ABCC4: variants seen among roughly 807,000 people sequenced by gnomAD.
ABCC4 encodes ATP-binding cassette sub-family C member 4.
ABCC4 carries 102 observed loss-of-function variants against 168.5 expected under a neutral mutation model. That is an observed-to-expected ratio of 0.61 (90% CI 0.52 to 0.71). ABCC4 has a LOEUF of 0.71. Ranked by LOEUF, ABCC4 falls within the 30% of genes least tolerant of loss-of-function variation. The pLI is 0.00. For synonymous variants in ABCC4, 617 were observed against 590.7 expected (o/e 1.04, Z -0.65); for missense variants, 1,402 against 1,605.8 (o/e 0.87, Z 2.17).
At chr13:95,107,467 A>G (rs182572784) in intron 20 of ABCC4, among the ~76,000 whole-genome samples, 33 of 152,254 alleles carry the variant, frequency 2.2e-4, no homozygotes, top group African/African-American at 8.0e-4. Flanking sequence ...AGTACAATGT[A>G]CAATCACCAG....
At chr13:95,193,693 T>C (rs1045080914) in intron 9 of ABCC4, among the ~76,000 whole-genome samples, 1 of 152,180 alleles carries the variant, frequency 6.6e-6, no homozygotes, top group African/African-American at 2.4e-5. Context: ...TGTAATAACA[T>C]AGTAAACAGT....
At chr13:95,103,199 T>C (rs1425764868) in intron 20 of ABCC4, among the ~76,000 whole-genome samples, 1 of 152,016 alleles carries the variant, frequency 6.6e-6, no homozygotes, top group Non-Finnish European at 1.5e-5. Flanking sequence ...TGGGAGGCAG[T>C]GCTTGCAGTG....
chr13:95,171,175 A>G (rs180908771), intron 13 of ABCC4, among the ~76,000 whole-genome samples: 23 of 151,344 alleles, frequency 1.5e-4, no homozygotes, highest in Non-Finnish European at 3.2e-4. Context: ...GTGACTCTCC[A>G]CAGTATTCTT....
chr13:95,067,327 T>TA lies in ABCC4; in HGVS notation c.3210+4334dup, dbSNP rs548593322. On this transcript the variant is annotated intron_variant, in intron 25 of 30. Transcript: ENST00000645237. The stretch of plus-strand genomic sequence containing the variant: ...ATTCATAATTTGCAGAATATAAAAG[T>TA]AAAAAAACAAAAAACCTGTAGGGTG... Among the ~76,000 whole-genome samples the TA allele has an allele frequency of 6.6e-5, 10 of 151,884 alleles. No homozygotes were observed. In the East Asian group the frequency reaches 1.2e-3, roughly 18 times the overall value.
chr13:95,026,941 A>G (rs989475677), intron 30 of ABCC4, among the ~76,000 whole-genome samples: 17 of 152,160 alleles, frequency 1.1e-4, no homozygotes, highest in Admixed American at 1.1e-3. Flanking sequence ...AGTTATGTCA[A>G]ACATGGTCAT....
At chr13:95,089,468 T>A (rs956673885) in intron 20 of ABCC4, among the ~76,000 whole-genome samples, 2 of 151,836 alleles carry the variant, frequency 1.3e-5, no homozygotes, top group Non-Finnish European at 2.9e-5. Flanking sequence ...AAATACAAAA[T>A]TTAGCTAGGC....
intron 30 of ABCC4, among the ~76,000 whole-genome samples, chr13:95,029,508 G>A (rs546048585): frequency 1.3e-5 from 2 of 152,114 alleles, no homozygotes; most frequent in South Asian, 4.1e-4. Context: ...ATGAAGGGCA[G>A]GTGTGGCAGA....
At chr13:95,159,914 T>C (rs981478354) in intron 19 of ABCC4, among the ~76,000 whole-genome samples, 1 of 152,238 alleles carries the variant, frequency 6.6e-6, no homozygotes, top group African/African-American at 2.4e-5. Context: ...AGTTCACAGA[T>C]ACATGGCTTC....
intron 11 of ABCC4, among the ~76,000 whole-genome samples, chr13:95,182,873 T>C (rs1225680230): frequency 6.6e-6 from 1 of 152,232 alleles, no homozygotes; most frequent in African/African-American, 2.4e-5. Flanking sequence ...TGTCATTTGC[T>C]ACGATATCTC....
chr13:95,074,291 C>A lies in ABCC4; in HGVS notation c.2840G>T (p.Trp947Leu). The change falls in exon 23 of 31, where the codon TGG (tryptophan) becomes TTG (leucine). Residue 947 changes from tryptophan (W) to leucine (L), a missense_variant. By Grantham distance (61) the Trp-to-Leu change is moderately conservative (BLOSUM62 -2). Coordinates refer to ENST00000645237, the MANE Select transcript of ABCC4 (RefSeq NM_005845.5). ...AWFLFLTTSR[W>L]FAVRLDAICA... ...GATGGCATCCAGACGGACGGCAAAC[C>A]AGCGGGACGTTGTCAAAAACAAGAA... 1.2e-6 allele frequency: 2 copies of A among 1,613,642 alleles called. No individual in the cohort carries two copies. The highest frequency in any genetic ancestry group is 1.1e-5 in the South Asian group (1 of 90,920).
At chr13:95,077,511 A>G (rs1283767635) in intron 21 of ABCC4, among the ~76,000 whole-genome samples, 2 of 151,912 alleles carry the variant, frequency 1.3e-5, no homozygotes, top group Middle Eastern at 3.4e-3. Flanking sequence ...TAATTTTTAT[A>G]TATTTTTGTA....
chr13:95,283,477 C>A (rs1261125897), intron 1 of ABCC4, among the ~76,000 whole-genome samples: 1 of 151,330 alleles, frequency 6.6e-6, no homozygotes, highest in Non-Finnish European at 1.5e-5. Context: ...TCAAGCAATG[C>A]CCCCATCTCA....
rs1189336 is a variant in ABCC4, at chr13:95,053,300, T to C, written c.3367-116A>G. Reference sequence around the variant, plus strand: ...AAAATAAAATTCATGATAATAATTATAGCGTTACAAATGCCTGTTTACAAA... The same window carrying C: ...AAAATAAAATTCATGATAATAATTACAGCGTTACAAATGCCTGTTTACAAA... On this transcript the variant is annotated intron_variant, in intron 26 of 30. Coordinates refer to ENST00000645237, the MANE Select transcript of ABCC4 (RefSeq NM_005845.5). 557 of 823,828 alleles carry C rather than the reference T, an allele frequency of 6.8e-4. 3 individuals are homozygous for C. In the African/African-American group the frequency reaches 8.8e-3, roughly 13 times the overall value. 51.0% of individuals were successfully genotyped at this position (823,828 alleles called of 1,614,324 possible). A position where few individuals can be genotyped will look rare whatever the true frequency, so the allele number is the denominator to read the frequency against.
At chr13:95,152,641 G>A (rs1036482832) in intron 19 of ABCC4, among the ~76,000 whole-genome samples, 1 of 151,996 alleles carries the variant, frequency 6.6e-6, no homozygotes, top group African/African-American at 2.4e-5. Context: ...TAAACTTCAT[G>A]GAAAACAAAA....
At chr13:95,230,846 A>G (rs1004099317) in intron 4 of ABCC4, among the ~76,000 whole-genome samples, 3 of 152,206 alleles carry the variant, frequency 2.0e-5, no homozygotes, top group Non-Finnish European at 4.4e-5. Flanking sequence ...TCATAGCAGC[A>G]TTGTTCACAA....
At chr13:95,156,115 T>TA (rs2036845241) in intron 19 of ABCC4, among the ~76,000 whole-genome samples, 1 of 152,224 alleles carries the variant, frequency 6.6e-6, no homozygotes, top group Non-Finnish European at 1.5e-5. Context: ...AGCGTCTGCC[T>TA]ATTCCAGTTA....
chr13:95,172,980 T>C (rs571430322), intron 13 of ABCC4, among the ~76,000 whole-genome samples: 3 of 152,228 alleles, frequency 2.0e-5, no homozygotes, highest in East Asian at 1.9e-4. Context: ...CCTTCATTCA[T>C]TCAGTTAAGA....
rs771065737 is a variant in ABCC4 at position 95,186,757 on chromosome 13, TC to T, written c.1488del (p.Lys497ArgfsTer12). 6.2e-7 allele frequency: 1 copy of T among 1,614,094 alleles called. No individual in the cohort carries two copies. The highest frequency in any genetic ancestry group is 8.5e-7 in the Non-Finnish European group (1 of 1,179,988). On this transcript the variant is annotated frameshift_variant, in exon 11 of 31. Transcript: ENST00000645237. LOFTEE classifies it high-confidence loss of function. ...SGTLRSNILF[G>X]KKYEKERYEK... ...TCATATCGTTCCTTTTCGTATTTCT[TC>T]CCAAATAAAATATTACTCCTCAGAG...
intron 11 of ABCC4, among the ~76,000 whole-genome samples, chr13:95,184,788 C>T (rs983240129): frequency 8.5e-5 from 13 of 152,286 alleles, no homozygotes; most frequent in Non-Finnish European, 4.4e-5. Context: ...TGAAAAATGG[C>T]GTACCATCTT....
Sources: allele counts gnomAD v4.1 joint callset (sites outside exome capture counted in the v4.1 genomes callset), GRCh38; gene constraint gnomAD v4.1.1; transcripts MANE v1.5; gene names NCBI Gene and HGNC (gene_info 2026-07-23, HGNC 2026-07-21).